STX8: variants seen among roughly 807,000 people sequenced by gnomAD.
STX8 encodes the protein syntaxin 8.
A neutral mutation model predicts 37.5 loss-of-function variants in STX8; 23 were observed. The observed-to-expected ratio is 0.61, with a 90% confidence interval of 0.44 to 0.87. The LOEUF (loss-of-function observed/expected upper bound fraction) is 0.87. STX8 is among the 40% of genes least tolerant of loss of function. The pLI is 0.00. For missense variants in STX8, 313 were observed against 284.7 expected (o/e 1.10, Z -0.71); for synonymous variants, 115 against 99.1 (o/e 1.16, Z -0.95).
rs546574449 is a variant in STX8, at chr17:9,396,368, G to C, written c.542-17715C>G. Among the ~76,000 whole-genome samples, 25 of 150,658 alleles carry C rather than the reference G, an allele frequency of 1.7e-4. No individual in the cohort carries two copies. In the East Asian group the frequency reaches 3.0e-3, roughly 18 times the overall value. ...AAATAGGAGGAAGCATAGGAATTTG[G>C]GGGGGCGGGGTGGCAGTAAAAATAC... On this transcript the variant is annotated intron_variant, in intron 6 of 7. Transcript: ENST00000306357.
intron 6 of STX8, among the ~76,000 whole-genome samples, chr17:9,381,260 C>A (rs142471313): frequency 0.014 from 2,016 of 148,908 alleles, 47 homozygotes; most frequent in African/African-American, 0.047. Flanking sequence ...TTTTTTTTTC[C>A]TCCCTCCTTC....
At chr17:9,364,902 C>T (rs1355301353) in intron 7 of STX8, among the ~76,000 whole-genome samples, 1 of 152,102 alleles carries the variant, frequency 6.6e-6, no homozygotes, top group Non-Finnish European at 1.5e-5. Flanking sequence ...GTCAAAGTTA[C>T]AGTCTTTTAC....
chr17:9,378,352 T>C (rs1911672241), intron 7 of STX8, 200 bp downstream of exon 7: 2 of 509,860 alleles, frequency 3.9e-6, no homozygotes, highest in Non-Finnish European at 7.1e-6. Flanking sequence ...AAAAAAACAA[T>C]GAATGATATG....
chr17:9,557,669 A>C (rs895280717), intron 2 of STX8, 141 bp from the exon 3 acceptor site: 2 of 698,614 alleles, frequency 2.9e-6, no homozygotes, highest in African/African-American at 1.8e-5. Flanking sequence ...CCTCACGACA[A>C]ACTCAGGGCT....
intron 7 of STX8, among the ~76,000 whole-genome samples, chr17:9,342,185 A>C (rs1296158998): frequency 2.0e-5 from 3 of 152,094 alleles, no homozygotes; most frequent in Non-Finnish European, 4.4e-5. Flanking sequence ...TCCTATATCT[A>C]ATGCTGCCAC....
intron 7 of STX8, among the ~76,000 whole-genome samples, chr17:9,305,060 G>T (rs1908926394): frequency 6.6e-6 from 1 of 151,672 alleles, no homozygotes; most frequent in South Asian, 2.1e-4. Context: ...TTTCGGTATA[G>T]TATTCAATAA....
intron 7 of STX8, among the ~76,000 whole-genome samples, chr17:9,339,752 C>T (rs749801779): frequency 2.0e-5 from 3 of 152,160 alleles, no homozygotes; most frequent in Admixed American, 6.5e-5. Context: ...GGAATGTGCC[C>T]GGCTTCTGTC....
chr17:9,297,503 A>T (rs1028806503), intron 7 of STX8, among the ~76,000 whole-genome samples: 1 of 152,202 alleles, frequency 6.6e-6, no homozygotes, highest in Non-Finnish European at 1.5e-5. Context: ...CTTTTATTTC[A>T]GCATTCGTGA....
intron 7 of STX8, among the ~76,000 whole-genome samples, chr17:9,281,301 T>C (rs1907872409): frequency 6.6e-6 from 1 of 152,080 alleles, no homozygotes; most frequent in Non-Finnish European, 1.5e-5. Context: ...AAAACTGGCA[T>C]CGGACGAGAT....
Position 9,266,606 on chromosome 17 carries a change from T to C in STX8, c.644-15961A>G, listed in dbSNP as rs539781307. ...AAGAGTGTAGAAGAATTCAGGTAAA[T>C]GCATTTCCAGTAAGGTGGGATCACT... On this transcript the variant is annotated intron_variant, in intron 7 of 7. Transcript: ENST00000306357. 5.3e-4 allele frequency among the ~76,000 whole-genome samples: 80 copies of C among 152,054 alleles called. 1 individual carries two copies. The highest frequency in any genetic ancestry group is 1.6e-3 in the African/African-American group (67 of 41,472).
intron 7 of STX8, among the ~76,000 whole-genome samples, chr17:9,296,305 C>T (rs1908537631): frequency 7.0e-6 from 1 of 142,344 alleles, no homozygotes; most frequent in Admixed American, 7.1e-5. Flanking sequence ...GAGATCGCAC[C>T]ACTGCACTCC....
chr17:9,476,477 G>A (rs1906108740), intron 6 of STX8, among the ~76,000 whole-genome samples: 1 of 149,846 alleles, frequency 6.7e-6, no homozygotes, highest in Non-Finnish European at 1.5e-5. Flanking sequence ...TTTTGAGATA[G>A]AGTCTCGTTC....
chr17:9,374,908 AC>A (rs778648984), intron 7 of STX8, among the ~76,000 whole-genome samples: 19 of 151,950 alleles, frequency 1.3e-4, no homozygotes, highest in Non-Finnish European at 2.8e-4. Flanking sequence ...TACTAAAAAT[AC>A]AAAAATTAGC....
In STX8 at chr17:9,407,183, T is replaced by C. The variant is rs141655659; in HGVS notation, c.542-28530A>G. Among the ~76,000 whole-genome samples, 19 of 152,288 alleles carry C rather than the reference T, an allele frequency of 1.2e-4. 1 individual carries two copies. The East Asian group carries it at 3.7e-3, about 29-fold the overall frequency. On this transcript the variant is annotated intron_variant, in intron 6 of 7. Transcript: ENST00000306357. ...CAAGCAAATGCCATGATCAGAACTATATTTTTAATATATGTGACTTTTAAA... is the reference window on the plus strand; with the variant it reads ...CAAGCAAATGCCATGATCAGAACTACATTTTTAATATATGTGACTTTTAAA...
chr17:9,528,336 T>C (rs981568717), intron 4 of STX8, among the ~76,000 whole-genome samples: 1 of 152,188 alleles, frequency 6.6e-6, no homozygotes, highest in African/African-American at 2.4e-5. Flanking sequence ...TCTCGCTCTG[T>C]CGCCAGGCTG....
At chr17:9,420,281 C>T (rs1341312869) in intron 6 of STX8, among the ~76,000 whole-genome samples, 1 of 152,218 alleles carries the variant, frequency 6.6e-6, no homozygotes, top group Non-Finnish European at 1.5e-5. Flanking sequence ...GGCCCTGAAC[C>T]TCTGCAGTTC....
intron 6 of STX8, among the ~76,000 whole-genome samples, chr17:9,436,337 C>A (rs1904431775): frequency 1.4e-5 from 2 of 145,158 alleles, no homozygotes; most frequent in Non-Finnish European, 3.0e-5. Flanking sequence ...ACAGAGCAAG[C>A]CTCCATCGCA....
chr17:9,311,421 A>G (rs1909185063), intron 7 of STX8, among the ~76,000 whole-genome samples: 1 of 152,232 alleles, frequency 6.6e-6, no homozygotes, highest in Admixed American at 6.5e-5. Flanking sequence ...TCACTAAAAA[A>G]ACTTGGTGTA....
At chr17:9,544,513 A>C (rs4791349) in intron 4 of STX8, among the ~76,000 whole-genome samples, 16,356 of 152,062 alleles carry the variant, frequency 0.11, 1,129 homozygotes, top group Middle Eastern at 0.2. Context: ...TAAAAAAAAA[A>C]ACAAAAAACT....
Sources: gnomAD v4.1 joint callset for allele counts (sites outside exome capture counted in the v4.1 genomes callset) on GRCh38, gnomAD v4.1.1 for gene constraint, MANE v1.5 for transcripts, NCBI Gene and HGNC (gene_info 2026-07-23, HGNC 2026-07-21) for gene names.